The following SMAP1 variants were observed in gnomAD, a reference collection of about 807,000 sequenced individuals.
SMAP1 encodes stromal membrane-associated protein 1.
A neutral mutation model predicts 58.5 loss-of-function variants in SMAP1; 24 were observed. That is an observed-to-expected ratio of 0.41 (90% CI 0.30 to 0.58). The LOEUF (loss-of-function observed/expected upper bound fraction) is 0.58. Ranked by LOEUF, SMAP1 falls within the 20% of genes least tolerant of loss-of-function variation. The pLI, the probability that SMAP1 is intolerant of heterozygous loss-of-function variation, is 0.29. For synonymous variants in SMAP1, 216 were observed against 196.6 expected, an observed-to-expected ratio of 1.10 and a Z score of -0.82; for missense variants, 563 against 566.3, an observed-to-expected ratio of 0.99 and a Z score of 0.06.
chr6:70,694,306 A>G (rs1274765276), intron 1 of SMAP1: 2 of 169,794 alleles, frequency 1.2e-5, no homozygotes, highest in Non-Finnish European at 2.5e-5. Flanking sequence ...AACCCAGCAG[A>G]TCAGATTATA....
At chr6:70,850,895 A>G (rs997015336) in intron 7 of SMAP1, among the ~76,000 whole-genome samples, 5 of 152,172 alleles carry the variant, frequency 3.3e-5, no homozygotes, top group African/African-American at 7.2e-5. Flanking sequence ...AAGGAGGTCT[A>G]ACTTTAAAGT....
At chr6:70,854,042 A>C (rs1771297551) in intron 8 of SMAP1, among the ~76,000 whole-genome samples, 1 of 152,202 alleles carries the variant, frequency 6.6e-6, no homozygotes, top group Admixed American at 6.5e-5. Flanking sequence ...GTATTAAAGC[A>C]GCAAGTAGAA....
chr6:70,726,752 T>G (rs777432195), intron 1 of SMAP1, among the ~76,000 whole-genome samples: 1 of 152,118 alleles, frequency 6.6e-6, no homozygotes, highest in Non-Finnish European at 1.5e-5. Context: ...TTTACACTAT[T>G]TATACTTAAT....
intron 5 of SMAP1, among the ~76,000 whole-genome samples, chr6:70,793,960 C>T (rs770671469): frequency 1.3e-5 from 2 of 151,944 alleles, no homozygotes; most frequent in Non-Finnish European, 2.9e-5. Flanking sequence ...CTCGAACTCC[C>T]GACCTCAGGT....
intron 2 of SMAP1, among the ~76,000 whole-genome samples, chr6:70,749,110 G>T (rs937540656): frequency 6.6e-6 from 1 of 152,104 alleles, no homozygotes; most frequent in East Asian, 1.9e-4. Context: ...TGGCTGGGAG[G>T]CCCCAGGAAA....
chr6:70,695,425 A>G (rs959825720), intron 1 of SMAP1, among the ~76,000 whole-genome samples: 1 of 152,112 alleles, frequency 6.6e-6, no homozygotes, highest in African/African-American at 2.4e-5. Flanking sequence ...GGTGTGTCAT[A>G]TATGGCTTTT....
At chr6:70,803,397 T>C (rs917658159) in intron 6 of SMAP1, among the ~76,000 whole-genome samples, 2 of 152,224 alleles carry the variant, frequency 1.3e-5, no homozygotes, top group African/African-American at 2.4e-5. Flanking sequence ...CTTTTCTTCT[T>C]TATTAGTCTT....
At chr6:70,769,610 T>A (rs1368880247) in intron 3 of SMAP1, among the ~76,000 whole-genome samples, 2 of 152,198 alleles carry the variant, frequency 1.3e-5, no homozygotes, top group Non-Finnish European at 1.5e-5. Flanking sequence ...GCTTGGTAGA[T>A]CTTCCTCCAT....
At chr6:70,766,888 T>C (rs1767012903) in intron 3 of SMAP1, among the ~76,000 whole-genome samples, 1 of 152,214 alleles carries the variant, frequency 6.6e-6, no homozygotes, top group South Asian at 2.1e-4. Context: ...AGGTCTAACA[T>C]TTAAGTCTTT....
chr6:70,689,743 TG>T (rs920709402), intron 1 of SMAP1, among the ~76,000 whole-genome samples: 1 of 152,226 alleles, frequency 6.6e-6, no homozygotes, highest in African/African-American at 2.4e-5. Flanking sequence ...TAATTTTGCT[TG>T]GCAGTATTTT....
At chr6:70,821,154 A>G (rs750125204) in intron 6 of SMAP1, among the ~76,000 whole-genome samples, 1 of 151,916 alleles carries the variant, frequency 6.6e-6, no homozygotes, top group Non-Finnish European at 1.5e-5. Flanking sequence ...CACTATTTAG[A>G]TTTATATCAA....
At chr6:70,730,346 G>C (rs1161977451) in intron 1 of SMAP1, among the ~76,000 whole-genome samples, 1 of 152,176 alleles carries the variant, frequency 6.6e-6, no homozygotes, top group Non-Finnish European at 1.5e-5. Context: ...GTGAGCCACT[G>C]TTTCTGGCCC....
At chr6:70,740,608 G>A (rs560797613) in intron 2 of SMAP1, among the ~76,000 whole-genome samples, 1 of 152,108 alleles carries the variant, frequency 6.6e-6, no homozygotes. Flanking sequence ...TCAATTCCCA[G>A]GTTTTTTCTT....
chr6:70,780,540 C>A lies in SMAP1; in HGVS notation c.414+7115C>A, dbSNP rs187053998. Reference sequence around the variant, plus strand: ...AGGCTTCAGTGAGCTGTGATCACACCGCTGTACTACTACCTGGGCAACAGA... The same window carrying A: ...AGGCTTCAGTGAGCTGTGATCACACAGCTGTACTACTACCTGGGCAACAGA... On this transcript the variant is annotated intron_variant, in intron 4 of 10. Transcript: ENST00000370455. 2.0e-3 allele frequency among the ~76,000 whole-genome samples: 300 copies of A among 152,222 alleles called. 1 individual carries two copies. Among genetic ancestry groups the A allele is most frequent in the African/African-American group, 6.9e-3 (286 of 41,536 alleles).
At chr6:70,762,056 G>C (rs1182002349) in intron 3 of SMAP1, among the ~76,000 whole-genome samples, 4 of 152,042 alleles carry the variant, frequency 2.6e-5, no homozygotes, top group Non-Finnish European at 5.9e-5. Context: ...CTGTACATTG[G>C]AGACTATCTT....
chr6:70,748,955 A>G (rs1026366106), intron 2 of SMAP1, among the ~76,000 whole-genome samples: 3 of 152,144 alleles, frequency 2.0e-5, no homozygotes, highest in African/African-American at 4.8e-5. Flanking sequence ...ACCCATAGGT[A>G]GGACTCTTCT....
chr6:70,819,791 A>C (rs192464144), intron 6 of SMAP1, among the ~76,000 whole-genome samples: 1 of 152,372 alleles, frequency 6.6e-6, no homozygotes, highest in African/African-American at 2.4e-5. Flanking sequence ...ATTGTTACTT[A>C]AACTAAATTC....
chr6:70,705,217 A>G (rs1767789838), intron 1 of SMAP1, among the ~76,000 whole-genome samples: 1 of 151,846 alleles, frequency 6.6e-6, no homozygotes, highest in South Asian at 2.1e-4. Flanking sequence ...GTGTTTTTTG[A>G]ATGAAATTTT....
At chr6:70,691,629 G>A (rs1343817093) in intron 1 of SMAP1, among the ~76,000 whole-genome samples, 1 of 151,898 alleles carries the variant, frequency 6.6e-6, no homozygotes, top group East Asian at 1.9e-4. Context: ...CCCAGTTTCT[G>A]GTAATCATCA....
Sources: allele counts gnomAD v4.1 joint callset (sites outside exome capture counted in the v4.1 genomes callset), GRCh38; gene constraint gnomAD v4.1.1; transcripts MANE v1.5; gene names NCBI Gene and HGNC (gene_info 2026-07-23, HGNC 2026-07-21).